SOX5: variants seen among roughly 807,000 people sequenced by gnomAD.
SOX5 encodes SRY-box transcription factor 5.
SOX5 carries 9 observed loss-of-function variants against 92.0 expected under a neutral mutation model. The observed-to-expected ratio is 0.10, with a 90% CI of 0.06 to 0.17. SOX5 has a LOEUF of 0.17. Among genes scored for constraint, SOX5 ranks in the 10% least tolerant of loss-of-function variants. SOX5 has a pLI of 1.00. For missense variants in SOX5, 642 were observed against 944.5 expected, an observed-to-expected ratio of 0.68 and a Z score of 4.20; for synonymous variants, 344 against 336.3, an observed-to-expected ratio of 1.02 and a Z score of -0.25.
At chr12:24,030,257 G>A (rs1212751402) in intron 4 of SOX5, among the ~76,000 whole-genome samples, 2 of 151,710 alleles carry the variant, frequency 1.3e-5, no homozygotes, top group African/African-American at 4.8e-5. Flanking sequence ...ACAGCAAAAA[G>A]AACATACTGA....
intron 4 of SOX5, among the ~76,000 whole-genome samples, chr12:24,024,316 G>A (rs1359663918): frequency 6.6e-6 from 1 of 151,942 alleles, no homozygotes; most frequent in African/African-American, 2.4e-5. Flanking sequence ...TTCTTGTAAA[G>A]TGTATTTCAT....
chr12:24,006,971 A>G (rs1479625327), intron 4 of SOX5, among the ~76,000 whole-genome samples: 1 of 150,996 alleles, frequency 6.6e-6, no homozygotes, highest in South Asian at 2.1e-4. Context: ...CCGTGTCTAC[A>G]AAAACACAAA....
At chr12:24,026,215 G>A (rs1440149346) in intron 4 of SOX5, among the ~76,000 whole-genome samples, 1 of 152,006 alleles carries the variant, frequency 6.6e-6, no homozygotes, top group Non-Finnish European at 1.5e-5. Context: ...CGGGAGTGAA[G>A]GTTCCAGTGA....
intron 4 of SOX5, among the ~76,000 whole-genome samples, chr12:24,206,990 A>G (rs1245393444): frequency 6.6e-6 from 1 of 152,206 alleles, no homozygotes; most frequent in East Asian, 1.9e-4. Flanking sequence ...GCAAGCACTC[A>G]TTCAGCATTC....
At chr12:23,608,461 T>C (rs2075552036) in intron 8 of SOX5, among the ~76,000 whole-genome samples, 2 of 152,222 alleles carry the variant, frequency 1.3e-5, no homozygotes, top group African/African-American at 4.8e-5. Context: ...TTCATAAATA[T>C]GTTTTTACAT....
intron 2 of SOX5, among the ~76,000 whole-genome samples, chr12:23,881,607 T>C (rs959234791): frequency 1.3e-5 from 2 of 152,204 alleles, no homozygotes; most frequent in South Asian, 4.1e-4. Context: ...TGATGTCTCA[T>C]GATTTGAGAT....
intron 2 of SOX5, among the ~76,000 whole-genome samples, chr12:24,337,724 T>A (rs978698514): frequency 6.6e-6 from 1 of 152,212 alleles, no homozygotes; most frequent in East Asian, 1.9e-4. Flanking sequence ...CATAAAATAA[T>A]CAGTTTTAAG....
At chr12:23,566,700 G>A (rs1947164637) in intron 10 of SOX5, among the ~76,000 whole-genome samples, 1 of 152,132 alleles carries the variant, frequency 6.6e-6, no homozygotes, top group African/African-American at 2.4e-5. Context: ...GTTAAATAGG[G>A]ATAACACTCA....
At chr12:24,163,607 G>A (rs1264956636) in intron 4 of SOX5, among the ~76,000 whole-genome samples, 1 of 147,394 alleles carries the variant, frequency 6.8e-6, no homozygotes, top group Admixed American at 6.9e-5. Flanking sequence ...CCTAGAATAC[G>A]AGGATTCTAT....
intron 1 of SOX5, among the ~76,000 whole-genome samples, chr12:23,927,199 A>G (rs544639940): frequency 3.9e-5 from 6 of 152,210 alleles, no homozygotes; most frequent in Admixed American, 6.5e-5. Context: ...CAGTTATTCA[A>G]ATTCACCTAA....
intron 4 of SOX5, among the ~76,000 whole-genome samples, chr12:24,193,021 A>G (rs534850103): frequency 7.7e-4 from 117 of 152,336 alleles, no homozygotes; most frequent in African/African-American, 2.8e-3. Context: ...CTAAAATAAT[A>G]TGCATCTAAT....
chr12:23,762,599 TG>T (rs1226610864), intron 3 of SOX5: 5 of 508,528 alleles, frequency 9.8e-6, no homozygotes, highest in Non-Finnish European at 1.3e-5. Context: ...AATGAGAGCC[TG>T]TTAATACAAA....
rs368902226 is a variant in SOX5, at chr12:23,761,685, G to A, written c.482-5961C>T. Among the ~76,000 whole-genome samples, 12 of 151,940 alleles carry A rather than the reference G, an allele frequency of 7.9e-5. No individual in the cohort carries two copies. The South Asian group carries it at 2.3e-3, about 29-fold the overall frequency. ...CTACCACAAAGTTTTTTAAATAGAC[G>A]GCCAAACTCTTGAAAAATGAAATTG... On this transcript the variant is annotated intron_variant, in intron 3 of 14. Coordinates refer to ENST00000451604, the MANE Select transcript of SOX5 (RefSeq NM_006940.6).
intron 1 of SOX5, among the ~76,000 whole-genome samples, chr12:24,384,352 T>A (rs1958147055): frequency 6.6e-6 from 1 of 152,192 alleles, no homozygotes; most frequent in African/African-American, 2.4e-5. Context: ...TCGCCTCCTG[T>A]TGTATGGCCC....
chr12:23,819,845 G>A (rs1290007369), intron 3 of SOX5, among the ~76,000 whole-genome samples: 1 of 152,138 alleles, frequency 6.6e-6, no homozygotes, highest in Non-Finnish European at 1.5e-5. Context: ...GGGCATTTGG[G>A]TTGGCTCCAA....
At chr12:23,807,154 C>T (rs531667664) in intron 3 of SOX5, among the ~76,000 whole-genome samples, 3 of 152,188 alleles carry the variant, frequency 2.0e-5, no homozygotes, top group Admixed American at 6.5e-5. Context: ...AAACTCATAC[C>T]GTGATTAGAT....
intron 1 of SOX5, among the ~76,000 whole-genome samples, chr12:23,943,777 C>G (rs1343285320): frequency 6.6e-6 from 1 of 152,080 alleles, no homozygotes; most frequent in African/African-American, 2.4e-5. Flanking sequence ...TTTCAAATGT[C>G]TATGAACATC....
At chr12:24,543,828 T>TGTAC (rs1952365382) in intron 1 of SOX5, among the ~76,000 whole-genome samples, 3 of 152,202 alleles carry the variant, frequency 2.0e-5, no homozygotes, top group South Asian at 2.1e-4. Flanking sequence ...AAAGATCATT[T>TGTAC]GTACGTATAT....
rs567617685 is a variant in SOX5 at position 23,949,043 on chromosome 12, C to A, written c.38+521G>T. On this transcript the variant is annotated intron_variant, in intron 1 of 14. Transcript: ENST00000451604. The stretch of plus-strand genomic sequence containing the variant: ...AAATTTTCTTTGGGGGGAAAAAACG[C>A]TCTCTTATATCAACAAAAGGTCATG... Among the ~76,000 whole-genome samples the A allele has an allele frequency of 7.9e-5, 12 of 152,162 alleles. No individual in the cohort carries two copies. The South Asian group carries it at 2.1e-3, about 26-fold the overall frequency.
Sources: allele counts gnomAD v4.1 joint callset (sites outside exome capture counted in the v4.1 genomes callset), GRCh38; gene constraint gnomAD v4.1.1; transcripts MANE v1.5; gene names NCBI Gene and HGNC (gene_info 2026-07-23, HGNC 2026-07-21).